Variants in CDS2 observed in about 807,000 individuals in gnomAD.
CDS2 encodes phosphatidate cytidylyltransferase 2.
A neutral mutation model predicts 59.0 loss-of-function variants in CDS2; 47 were observed. The observed-to-expected ratio is 0.80, with a 90% CI of 0.63 to 1.02. CDS2 has a LOEUF of 1.02. CDS2 is among the 50% of genes least tolerant of loss of function. The pLI, the probability that CDS2 is intolerant of heterozygous loss-of-function variation, is 0.00. For missense variants in CDS2, 356 were observed against 558.9 expected (o/e 0.64, Z 3.66); for synonymous variants, 207 against 206.4 (o/e 1.00, Z -0.02).
At chr20:5,155,240 T>A (rs1189703329) in intron 1 of CDS2, among the ~76,000 whole-genome samples, 2 of 152,224 alleles carry the variant, frequency 1.3e-5, no homozygotes, top group East Asian at 3.8e-4. Context: ...TAGTTGCATT[T>A]ATGTAACTGT....
At chr20:5,158,071 G>A (rs1379199770) in intron 1 of CDS2, among the ~76,000 whole-genome samples, 1 of 151,404 alleles carries the variant, frequency 6.6e-6, no homozygotes, top group Non-Finnish European at 1.5e-5. Context: ...ATCAGCTATC[G>A]TTAGTGTTAG....
intron 7 of CDS2, 157 bp downstream of exon 7, chr20:5,183,300 G>T: frequency 1.6e-6 from 1 of 620,274 alleles, no homozygotes; most frequent in East Asian, 2.8e-5. Context: ...CTGACTTTTT[G>T]ATTCATTAGA....
At position 5,190,910 on chromosome 20, in the gene CDS2, C is replaced by A. The variant is rs1450889573; in HGVS notation, c.*676C>A. The stretch of plus-strand genomic sequence containing the variant: ...TATTTATAATAGTCTGGAGAAAAAA[C>A]ACACTGTAATATTTCAAGTGTATGC... On this transcript the variant is annotated 3_prime_UTR_variant, in exon 13 of 13. Transcript: ENST00000460006. 2.6e-5 allele frequency: 4 copies of A among 152,668 alleles called. No individual in the cohort carries two copies. In the South Asian group the frequency reaches 8.3e-4, roughly 32 times the overall value. The allele number at this position is 152,668 out of a possible 1,614,324, so 9.5% of individuals were successfully genotyped here.
At chr20:5,182,595 C>T in intron 6 of CDS2, 150 bp downstream of exon 6, 1 of 665,722 alleles carries the variant, frequency 1.5e-6, no homozygotes, top group Non-Finnish European at 2.5e-6. Flanking sequence ...GAAGAATGCC[C>T]ATTTAGGTTT....
intron 5 of CDS2, among the ~76,000 whole-genome samples, chr20:5,180,869 A>G (rs1247742069): frequency 6.6e-6 from 1 of 152,142 alleles, no homozygotes; most frequent in African/African-American, 2.4e-5. Context: ...ATTAGGGGCA[A>G]TGATATTCCT....
In CDS2 at chr20:5,190,717, T is replaced by G. The variant is rs574483819; in HGVS notation, c.*483T>G. ...ATCCCTGCTTGGAGCTGCAGAAGGG[T>G]TGCCTTCTGTAGGTCGGAGGAATGG... On this transcript the variant is annotated 3_prime_UTR_variant, in exon 13 of 13. Coordinates refer to ENST00000460006, the MANE Select transcript of CDS2 (RefSeq NM_003818.4). 1 of 152,176 alleles carries G rather than the reference T, an allele frequency of 6.6e-6. No individual in the cohort carries two copies. The highest frequency in any genetic ancestry group is 1.9e-4 in the East Asian group (1 of 5,156). The allele number at this position is 152,176 out of a possible 1,614,324, so 9.4% of individuals were successfully genotyped here. A position where few individuals can be genotyped will look rare whatever the true frequency, so the allele number is the denominator to read the frequency against.
intron 10 of CDS2, among the ~76,000 whole-genome samples, chr20:5,188,270 A>G: frequency 6.6e-6 from 1 of 152,222 alleles, no homozygotes; most frequent in East Asian, 1.9e-4. Flanking sequence ...GTAAGAGAGA[A>G]CAAAGTCCAT....
At chr20:5,182,510 C>A (rs1308944699) in intron 6 of CDS2, 65 bp downstream of exon 6, 4 of 1,408,154 alleles carry the variant, frequency 2.8e-6, no homozygotes, top group Non-Finnish European at 3.0e-6. Context: ...AGGAACTCAA[C>A]AAGCCTTTCA....
chr20:5,174,082 G>A lies in CDS2; in HGVS notation c.194+423G>A, dbSNP rs117178781. On this transcript the variant is annotated intron_variant, in intron 2 of 12. Coordinates refer to ENST00000460006, the MANE Select transcript of CDS2 (RefSeq NM_003818.4). ...GAGTTTAGTTTCTCTCACATCCTTT[G>A]TGAACAGTTCCTTAAATTCTCCAGG... Among the ~76,000 whole-genome samples the A allele has an allele frequency of 1.9e-3, 285 of 152,312 alleles. 1 individual carries two copies. The highest frequency in any genetic ancestry group is 5.2e-3 in the Admixed American group (79 of 15,296).
chr20:5,185,929 C>G, intron 9 of CDS2, 103 bp downstream of exon 9: 1 of 1,100,898 alleles, frequency 9.1e-7, no homozygotes, highest in South Asian at 1.4e-5. Flanking sequence ...GAGGCCAGGA[C>G]TGTCCTGCTG....
At chr20:5,147,836 A>G (rs2090756400) in intron 1 of CDS2, among the ~76,000 whole-genome samples, 1 of 151,704 alleles carries the variant, frequency 6.6e-6, no homozygotes, top group Non-Finnish European at 1.5e-5. Context: ...ACACCATTGC[A>G]CCCGGCAGGG....
chr20:5,140,680 T>G (rs1171487224), intron 1 of CDS2, among the ~76,000 whole-genome samples: 1 of 152,206 alleles, frequency 6.6e-6, no homozygotes, highest in Non-Finnish European at 1.5e-5. Context: ...ATAGAATAGA[T>G]GATGAAGTGA....
intron 1 of CDS2, among the ~76,000 whole-genome samples, chr20:5,154,394 G>T (rs1198880694): frequency 6.6e-6 from 1 of 152,182 alleles, no homozygotes; most frequent in Non-Finnish European, 1.5e-5. Flanking sequence ...TGGAAACACT[G>T]TCAGGGCAAG....
rs986836729 is a variant in CDS2, at chr20:5,184,273, A to G, written c.672-585A>G. On this transcript the variant is annotated intron_variant, in intron 7 of 12. Transcript: ENST00000460006. The surrounding 1 kb of genome is among the most constrained non-coding windows in gnomAD (Gnocchi z 4.3). Reference sequence around the variant, plus strand: ...AACAAGTGTGGAAACCACCTCTTTCATAGTGAGGATGACTGGATCAGCAGG... The same window carrying G: ...AACAAGTGTGGAAACCACCTCTTTCGTAGTGAGGATGACTGGATCAGCAGG... Among the ~76,000 whole-genome samples the G allele has an allele frequency of 3.3e-5, 5 of 152,222 alleles. No homozygotes were observed. The highest frequency in any genetic ancestry group is 5.9e-5 in the Non-Finnish European group (4 of 68,028).
rs900953617 is a variant in CDS2 at position 5,133,174 on chromosome 20, C to CA, written c.57+6034dup. Among the ~76,000 whole-genome samples, 14 of 150,940 alleles carry CA rather than the reference C, an allele frequency of 9.3e-5. No individual in the cohort carries two copies. The East Asian group carries it at 1.2e-3, about 13-fold the overall frequency. On this transcript the variant is annotated intron_variant, in intron 1 of 12. Coordinates refer to ENST00000460006, the MANE Select transcript of CDS2 (RefSeq NM_003818.4). ...AGGAGGACAGAGCGAGACTTCATCT[C>CA]AAAAAAAAAGAATTTTTATCATCTT... is the stretch of plus-strand genomic sequence containing the variant.
intron 1 of CDS2, among the ~76,000 whole-genome samples, chr20:5,150,671 G>A (rs1286041265): frequency 3.9e-5 from 6 of 152,298 alleles, no homozygotes; most frequent in South Asian, 4.1e-4. Context: ...CCCTCATCCC[G>A]AGGCCCAACT....
intron 10 of CDS2, chr20:5,187,179 A>AT (rs2091076070): frequency 7.9e-6 from 2 of 252,756 alleles, no homozygotes; most frequent in South Asian, 5.8e-5. Context: ...ATGTGTTGAC[A>AT]TTTGCTGTGA....
At chr20:5,177,588 C>G (rs1967477049) in intron 4 of CDS2, among the ~76,000 whole-genome samples, 1 of 152,190 alleles carries the variant, frequency 6.6e-6, no homozygotes, top group Admixed American at 6.5e-5. Flanking sequence ...AGCACTGCAC[C>G]ATGCTGAGAG....
intron 1 of CDS2, 52 bp from the exon 2 acceptor site, chr20:5,173,457 CATAGACTTCTCAAT>C (rs2090971159): frequency 1.3e-6 from 2 of 1,571,946 alleles, no homozygotes; most frequent in Non-Finnish European, 1.7e-6. Flanking sequence ...TCATGACAGG[CATAGACTTCTCAAT>C]GGTCTACTCG....
Sources: gnomAD v4.1 joint callset for allele counts (sites outside exome capture counted in the v4.1 genomes callset) on GRCh38, gnomAD v4.1.1 for gene constraint, Gnocchi (gnomAD v3.1) non-coding constraint, MANE v1.5 for transcripts, NCBI Gene and HGNC (gene_info 2026-07-23, HGNC 2026-07-21) for gene names.